The following EPHB2 variants were observed in gnomAD, a reference collection of about 807,000 sequenced individuals.
The protein encoded by EPHB2 is EPH receptor B2.
Under a neutral mutation model 96.4 loss-of-function variants are expected in EPHB2, and 18 were observed. That is an observed-to-expected ratio of 0.19 (90% CI 0.13 to 0.28). The LOEUF (loss-of-function observed/expected upper bound fraction) is 0.28. EPHB2 is among the 10% of genes least tolerant of loss of function. EPHB2 has a pLI of 1.00. For synonymous variants in EPHB2, 506 were observed against 534.1 expected (o/e 0.95, Z 0.72); for missense variants, 989 against 1,355.4 (o/e 0.73, Z 4.25).
intron 5 of EPHB2, among the ~76,000 whole-genome samples, chr1:22,870,448 G>A (rs1638627260): frequency 6.6e-6 from 1 of 152,124 alleles, no homozygotes; most frequent in Non-Finnish European, 1.5e-5. Context: ...AGTGAGCCAC[G>A]CTACCCTCCT....
intron 1 of EPHB2, among the ~76,000 whole-genome samples, chr1:22,767,245 T>A (rs1475517264): frequency 6.6e-6 from 1 of 152,148 alleles, no homozygotes; most frequent in African/African-American, 2.4e-5. Flanking sequence ...AAGGGGCATC[T>A]AACTCAAGCT....
chr1:22,817,438 C>T (rs1343274233), intron 3 of EPHB2, among the ~76,000 whole-genome samples: 2 of 152,330 alleles, frequency 1.3e-5, no homozygotes, highest in African/African-American at 4.8e-5. Flanking sequence ...AGAGCCCATG[C>T]CTGCTGCTGG....
chr1:22,774,869 G>A (rs1339229198), intron 1 of EPHB2, among the ~76,000 whole-genome samples: 2 of 152,166 alleles, frequency 1.3e-5, no homozygotes, highest in African/African-American at 4.8e-5. Flanking sequence ...TGGGCCCTGG[G>A]AGACATCAGA....
chr1:22,839,139 C>A (rs1230711373), intron 3 of EPHB2, among the ~76,000 whole-genome samples: 1 of 152,122 alleles, frequency 6.6e-6, no homozygotes, highest in Non-Finnish European at 1.5e-5. Flanking sequence ...TCTGCTGAAT[C>A]CGAGGCAGAC....
chr1:22,896,333 C>G lies in EPHB2; in HGVS notation c.1701-81C>G, dbSNP rs1162542540. ...GGGTGTGGCTTCTAGGGCCTGCCCACCCTCTCCCTATCACCTACTGTGGCT... is the reference window on the plus strand; with the variant it reads ...GGGTGTGGCTTCTAGGGCCTGCCCAGCCTCTCCCTATCACCTACTGTGGCT... On this transcript the variant is annotated intron_variant, in intron 8 of 15. Transcript: ENST00000374630. 7 of 1,592,290 alleles carry G rather than the reference C, an allele frequency of 4.4e-6. No homozygotes were observed. In the East Asian group the frequency reaches 1.6e-4, roughly 36 times the overall value.
intron 3 of EPHB2, among the ~76,000 whole-genome samples, chr1:22,825,890 C>T (rs2148479896): frequency 6.6e-6 from 1 of 152,292 alleles, no homozygotes; most frequent in East Asian, 1.9e-4. Flanking sequence ...TGGGGGGATG[C>T]TGGCTGGTGT....
intron 3 of EPHB2, among the ~76,000 whole-genome samples, chr1:22,843,488 TCTC>T (rs1484326045): frequency 1.3e-5 from 2 of 152,150 alleles, no homozygotes; most frequent in African/African-American, 4.8e-5. Flanking sequence ...CGATCCTCTC[TCTC>T]CTCCCACCCT....
chr1:22,807,268 A>G (rs1644940164), intron 3 of EPHB2, among the ~76,000 whole-genome samples: 1 of 152,096 alleles, frequency 6.6e-6, no homozygotes. Context: ...CTACCTTAGG[A>G]AGGAAGGAAA....
Position 22,860,035 on chromosome 1 carries a change from T to C in EPHB2, c.812-3002T>C, listed in dbSNP as rs1278702623. Among the ~76,000 whole-genome samples the C allele has an allele frequency of 6.6e-6, 1 of 152,230 alleles. No individual in the cohort carries two copies. The highest frequency in any genetic ancestry group is 2.4e-5 in the African/African-American group (1 of 41,454). Reference sequence around the variant, plus strand: ...ATAAATGGAATCCTGCTTTCATGGCTGGCTTCTTTCACTGAGCACGATGTG... The same window carrying C: ...ATAAATGGAATCCTGCTTTCATGGCCGGCTTCTTTCACTGAGCACGATGTG... On this transcript the variant is annotated intron_variant, in intron 3 of 15. Transcript: ENST00000374630. This position sits in a 1 kb window ranked among gnomAD's most constrained non-coding sequence, Gnocchi z 4.6.
At chr1:22,780,701 A>G (rs1279168143) in intron 1 of EPHB2, among the ~76,000 whole-genome samples, 2 of 152,216 alleles carry the variant, frequency 1.3e-5, no homozygotes, top group Admixed American at 1.3e-4. Flanking sequence ...GTTTAGTGGC[A>G]GAGCCTCGGA....
intron 3 of EPHB2, among the ~76,000 whole-genome samples, chr1:22,857,286 A>C (rs1025410065): frequency 6.6e-6 from 1 of 152,180 alleles, no homozygotes; most frequent in Non-Finnish European, 1.5e-5. Flanking sequence ...TGCCAGTTTA[A>C]TAGCACACCA....
intron 1 of EPHB2, among the ~76,000 whole-genome samples, chr1:22,743,235 C>G (rs1643926422): frequency 6.6e-6 from 1 of 152,104 alleles, no homozygotes; most frequent in Non-Finnish European, 1.5e-5. Context: ...AGGCATCATG[C>G]TCTCCGGAAT....
chr1:22,781,321 A>G (rs1644528437), intron 1 of EPHB2, 100 bp from the exon 2 acceptor site: 1 of 532,036 alleles, frequency 1.9e-6, no homozygotes, highest in Admixed American at 4.4e-5. Context: ...CTCCGTCTAA[A>G]AAAAAAAAAA....
chr1:22,816,024 A>T (rs1348878471), intron 3 of EPHB2, among the ~76,000 whole-genome samples: 1 of 152,154 alleles, frequency 6.6e-6, no homozygotes, highest in Non-Finnish European at 1.5e-5. Flanking sequence ...ACCTGGAGCC[A>T]ATTACTTAAC....
In EPHB2 at chr1:22,736,964, G is replaced by A. The variant is rs77035905; in HGVS notation, c.61+25921G>A. Among the ~76,000 whole-genome samples the A allele has an allele frequency of 6.1e-3, 932 of 152,246 alleles. 50 individuals are homozygous for A. In the East Asian group the frequency reaches 0.14, roughly 22 times the overall value. On this transcript the variant is annotated intron_variant, in intron 1 of 15. Transcript: ENST00000374630. The stretch of plus-strand genomic sequence containing the variant: ...CTCTCTGGGTGGAGTCAGAAGGGAA[G>A]ACACAGTGGAGAACCTGGGACTCCC...
chr1:22,862,958 C>T (rs2148523790), intron 3 of EPHB2, 79 bp from the exon 4 acceptor site: 1 of 1,593,932 alleles, frequency 6.3e-7, no homozygotes, highest in South Asian at 1.1e-5. Flanking sequence ...TGTGTGGCCC[C>T]TCCGTGAGGC....
chr1:22,872,573 C>T (rs1638708483), intron 5 of EPHB2, among the ~76,000 whole-genome samples: 1 of 152,180 alleles, frequency 6.6e-6, no homozygotes, highest in African/African-American at 2.4e-5. Flanking sequence ...CCTTGGAGTT[C>T]ACCTAGGGCA....
In EPHB2 at chr1:22,830,879, G is replaced by A. The variant is rs74061048; in HGVS notation, c.812-32158G>A. 7.3e-3 allele frequency among the ~76,000 whole-genome samples: 1,113 copies of A among 152,206 alleles called. 15 individuals carry two copies. Among genetic ancestry groups the A allele is most frequent in the African/African-American group, 0.024 (1,005 of 41,538 alleles). ...CTCATATTCATTTCTTTATGCCAAC[G>A]GTCTTAGATCAACAAGAAGCATTTA... On this transcript the variant is annotated intron_variant, in intron 3 of 15. Coordinates refer to ENST00000374630, the MANE Select transcript of EPHB2 (RefSeq NM_017449.5).
intron 3 of EPHB2, among the ~76,000 whole-genome samples, chr1:22,849,747 A>G (rs1432222604): frequency 6.6e-6 from 1 of 152,012 alleles, no homozygotes; most frequent in Non-Finnish European, 1.5e-5. Context: ...ATTGAATGGT[A>G]TTGCCTCTTG....
Sources: allele counts gnomAD v4.1 joint callset (sites outside exome capture counted in the v4.1 genomes callset), GRCh38; gene constraint gnomAD v4.1.1; non-coding constraint Gnocchi (gnomAD v3.1); transcripts MANE v1.5; gene names NCBI Gene and HGNC (gene_info 2026-07-23, HGNC 2026-07-21).